Variants in GOLGB1 observed in about 807,000 individuals in gnomAD.
GOLGB1 encodes the protein golgin B1, also known as golgin subfamily B member 1.
A neutral mutation model predicts 336.9 loss-of-function variants in GOLGB1; 174 were observed. The observed-to-expected ratio is 0.52, with a 90% confidence interval of 0.46 to 0.59. GOLGB1 has a LOEUF of 0.59. Among genes scored for constraint, GOLGB1 ranks in the 20% least tolerant of loss-of-function variants. GOLGB1 has a pLI of 0.00. For missense variants in GOLGB1, 3,331 were observed against 3,645.3 expected, an observed-to-expected ratio of 0.91 and a Z score of 2.22; for synonymous variants, 1,208 against 1,289.2, an observed-to-expected ratio of 0.94 and a Z score of 1.35.
At position 121,695,406 on chromosome 3, in the gene GOLGB1, G is replaced by A. The variant is rs762694985; in HGVS notation, c.5117C>T (p.Ala1706Val). The A allele has an allele frequency of 8.1e-6, 13 of 1,613,956 alleles. No individual in the cohort carries two copies. In the South Asian group the frequency reaches 1.2e-4, roughly 15 times the overall value. Residue 1706 changes from alanine (A) to valine (V), a missense_variant, in exon 13 of 22, where the codon GCA becomes GTA. Coordinates refer to ENST00000614479, the MANE Select transcript of GOLGB1 (RefSeq NM_001366282.2). ...ELEEENDRLR[A>V]EVHPAGDTAK... Reference sequence around the variant, plus strand: ...TGTATCTCCTGCAGGGTGCACCTCTGCCCTAAGCCGGTCATTCTCTTCTTC... The same window carrying A: ...TGTATCTCCTGCAGGGTGCACCTCTACCCTAAGCCGGTCATTCTCTTCTTC...
At chr3:121,729,006 T>C (rs557428767) in intron 4 of GOLGB1, 182 bp downstream of exon 4, 2 of 417,752 alleles carry the variant, frequency 4.8e-6, no homozygotes, top group Non-Finnish European at 8.5e-6. Context: ...TGTACATCTT[T>C]CATTCTCCCT....
chr3:121,696,088 C>G lies in GOLGB1; in HGVS notation c.4435G>C (p.Glu1479Gln), dbSNP rs770175094. ...TGTATTTGTTGCTTTGCTCTACTTTCTTCTCCAATCTCTTCTGGTTTTTGC... is the reference window on the plus strand; with the variant it reads ...TGTATTTGTTGCTTTGCTCTACTTTGTTCTCCAATCTCTTCTGGTTTTTGC... The part of the protein sequence containing the change: ...MKQKPEEIGE[E>Q]SRAKQQIQRK... The change falls in exon 13 of 22, where the codon GAA becomes CAA. Residue 1479 changes from glutamate to glutamine, a missense_variant. Glu to Gln is a conservative substitution (Grantham distance 29, BLOSUM62 2). Transcript: ENST00000614479. 1.2e-6 allele frequency: 2 copies of G among 1,613,774 alleles called. No homozygotes were observed. Among genetic ancestry groups the G allele is most frequent in the East Asian group, 2.2e-5 (1 of 44,888 alleles).
chr3:121,685,829 A>G (rs952744151), intron 14 of GOLGB1, among the ~76,000 whole-genome samples: 3 of 152,180 alleles, frequency 2.0e-5, no homozygotes, highest in Admixed American at 2.0e-4. Context: ...TTTAGTGACT[A>G]ATTAAATATG....
Position 121,664,442 on chromosome 3 carries a change from A to G in GOLGB1, c.*38T>C. 1 of 1,583,610 alleles carries G rather than the reference A, an allele frequency of 6.3e-7. No individual in the cohort carries two copies. The highest frequency in any genetic ancestry group is 8.7e-7 in the Non-Finnish European group (1 of 1,152,456). On this transcript the variant is annotated 3_prime_UTR_variant, in exon 22 of 22. Transcript: ENST00000614479. ...TGATGTTAGAGGTGAGAGAATTCCA[A>G]GTTTTGAGGGGAGTGGTCCAAAGAG... is the stretch of plus-strand genomic sequence containing the variant.
intron 1 of GOLGB1, among the ~76,000 whole-genome samples, chr3:121,748,549 T>C (rs574599086): frequency 6.6e-6 from 1 of 152,174 alleles, no homozygotes; most frequent in Non-Finnish European, 1.5e-5. Flanking sequence ...ACTCTTCAAC[T>C]TTTTCCTGCA....
rs772710667 is a variant in GOLGB1, at chr3:121,696,672, A to G, written c.3851T>C (p.Val1284Ala). 1.9e-6 allele frequency: 3 copies of G among 1,614,084 alleles called. No individual in the cohort carries two copies. The highest frequency in any genetic ancestry group is 2.5e-6 in the Non-Finnish European group (3 of 1,179,996). ...GTCTGGGCACAAGTTGGACTCTAAA[A>G]CAGGTTGAGTGTGATGCTGTTCTGT... ...KATEQHHTQPVLESNLCPDWP... is the reference protein window; with the variant it reads ...KATEQHHTQPALESNLCPDWP... Residue 1284 changes from valine to alanine, a missense_variant, in exon 13 of 22, where the codon GTT (valine) becomes GCT (alanine). Physicochemically the swap from Val to Ala is moderately conservative, Grantham distance 64. Transcript: ENST00000614479.
chr3:121,690,094 T>C (rs542785322), intron 14 of GOLGB1, among the ~76,000 whole-genome samples: 1 of 152,378 alleles, frequency 6.6e-6, no homozygotes, highest in Admixed American at 6.5e-5. Context: ...AGTGGGTAAA[T>C]GGTTCAGCCT....
chr3:121,739,591 T>C (rs946068847), intron 1 of GOLGB1, among the ~76,000 whole-genome samples: 2 of 151,544 alleles, frequency 1.3e-5, no homozygotes, highest in Non-Finnish European at 2.9e-5. Context: ...TGAGTAAATA[T>C]AACAAACCAT....
chr3:121,713,110 C>T (rs984603809), intron 10 of GOLGB1, among the ~76,000 whole-genome samples: 2 of 151,906 alleles, frequency 1.3e-5, no homozygotes, highest in African/African-American at 2.4e-5. Flanking sequence ...TGCAGTGAGC[C>T]GAGATCGCAC....
rs556791333 is a variant in GOLGB1, at chr3:121,709,636, G to T, written c.1404+5225C>A. Among the ~76,000 whole-genome samples the T allele has an allele frequency of 5.9e-5, 9 of 152,206 alleles. 1 individual carries two copies. In the South Asian group the frequency reaches 1.9e-3, roughly 31 times the overall value. On this transcript the variant is annotated intron_variant, in intron 10 of 21. Transcript: ENST00000614479. ...AAACTTAGAAAAATGTTCAAAAACT[G>T]AAATGATTAAAAAACCACAACATAA... is the stretch of plus-strand genomic sequence containing the variant.
intron 14 of GOLGB1, among the ~76,000 whole-genome samples, chr3:121,689,979 G>C (rs1942261403): frequency 6.6e-6 from 1 of 152,228 alleles, no homozygotes; most frequent in South Asian, 2.1e-4. Flanking sequence ...TGAATCTTGG[G>C]AGACCTGGAT....
intron 10 of GOLGB1, among the ~76,000 whole-genome samples, chr3:121,714,392 T>C (rs767632358): frequency 6.6e-6 from 1 of 152,178 alleles, no homozygotes; most frequent in Non-Finnish European, 1.5e-5. Context: ...TACTGGCCAA[T>C]AAGAAGCTAC....
chr3:121,704,116 T>TA (rs1194368982), intron 10 of GOLGB1, among the ~76,000 whole-genome samples: 2 of 141,082 alleles, frequency 1.4e-5, no homozygotes, highest in African/African-American at 2.6e-5. Flanking sequence ...GACAGAAGAA[T>TA]AAAAAAAATT....
intron 3 of GOLGB1, 80 bp from the exon 4 acceptor site, chr3:121,729,420 T>TG: frequency 8.7e-7 from 1 of 1,146,476 alleles, no homozygotes; most frequent in Non-Finnish European, 1.2e-6. Flanking sequence ...ATTTTTATTA[T>TG]TATTACTTTC....
chr3:121,667,987 C>T (rs1309607174), intron 19 of GOLGB1, 74 bp downstream of exon 19: 27 of 713,674 alleles, frequency 3.8e-5, no homozygotes, highest in Non-Finnish European at 5.8e-5. Flanking sequence ...TAAAGGACTC[C>T]AGTTAAATCT....
At chr3:121,720,268 A>G (rs984428642) in intron 6 of GOLGB1, among the ~76,000 whole-genome samples, 1 of 152,220 alleles carries the variant, frequency 6.6e-6, no homozygotes, top group Non-Finnish European at 1.5e-5. Context: ...TTATTTTCAA[A>G]GAATTGCTTC....
chr3:121,696,729 G>A lies in GOLGB1; in HGVS notation c.3794C>T (p.Thr1265Ile). The change falls in exon 13 of 22, where the codon ACT becomes ATT. Residue 1265 changes from threonine (T) to isoleucine (I), a missense_variant. Transcript: ENST00000614479. ...GAATAAAGGTTCTTCTAAACCTGGA[G>A]TGGAAGAACACGATTCCTGCTGGTC... Reference protein sequence around the residue: ...STDQQESCSSTPGLEEPLFKA... With the variant: ...STDQQESCSSIPGLEEPLFKA... 1 of 1,614,062 alleles carries A rather than the reference G, an allele frequency of 6.2e-7. No individual in the cohort carries two copies. The highest frequency in any genetic ancestry group is 8.5e-7 in the Non-Finnish European group (1 of 1,179,930).
chr3:121,743,406 T>C (rs143411767), intron 1 of GOLGB1, among the ~76,000 whole-genome samples: 1,843 of 152,260 alleles, frequency 0.012, 13 homozygotes, highest in Non-Finnish European at 0.018. Context: ...TAGGTGGGAA[T>C]TGAACAATGA....
At position 121,664,986 on chromosome 3, in the gene GOLGB1, G is replaced by A. The variant is rs1199266677; in HGVS notation, c.9600C>T (p.Gly3200=). Reference sequence around the variant, plus strand: ...GTGCCTGCTCCTGAGTGCCACAGGAGCCAATGATAGGAGTCCGGGAAGAGT... The same window carrying A: ...GTGCCTGCTCCTGAGTGCCACAGGAACCAATGATAGGAGTCCGGGAAGAGT... The part of the protein sequence containing the change: ...EWDSSRTPII[G]SCGTQEQALL... Residue 3200 remains glycine (G), a synonymous_variant, in exon 21 of 22, where the codon GGC becomes GGT. Transcript: ENST00000614479. 3.7e-6 allele frequency: 6 copies of A among 1,611,790 alleles called. No homozygotes were observed. Among genetic ancestry groups the A allele is most frequent in the Non-Finnish European group, 3.4e-6 (4 of 1,177,950 alleles).
Sources: allele counts gnomAD v4.1 joint callset (sites outside exome capture counted in the v4.1 genomes callset), GRCh38; gene constraint gnomAD v4.1.1; transcripts MANE v1.5; gene names NCBI Gene and HGNC (gene_info 2026-07-23, HGNC 2026-07-21).